Variants in ZNF254 observed in about 807,000 individuals in gnomAD.
ZNF254 encodes the protein CTD-2017D11.1.
In ZNF254, 10 loss-of-function variants were observed where a neutral mutation model predicts 12.4. The ratio of observed to expected loss-of-function variants is 0.80; its 90% CI spans 0.50 to 1.36. The LOEUF (loss-of-function observed/expected upper bound fraction) is 1.36. ZNF254 is among the 40% of genes most tolerant of loss of function. The pLI is 0.00. For missense variants in ZNF254, 996 were observed against 763.9 expected (o/e 1.30, Z -3.58); for synonymous variants, 305 against 253.4 (o/e 1.20, Z -1.93).
chr19:24,087,357 A>G lies in ZNF254; in HGVS notation c.30+20A>G. 6.2e-7 allele frequency: 1 copy of G among 1,613,298 alleles called. No individual in the cohort carries two copies. Among genetic ancestry groups the G allele is most frequent in the Non-Finnish European group, 8.5e-7 (1 of 1,179,532 alleles). ...GAAATGGTGAGAATGCCAGTCCGAC[A>G]TCCCGAGAGAGGGGAGGGGGCTGGT... On this transcript the variant is annotated intron_variant, in intron 1 of 3. Transcript: ENST00000357002.
intron 3 of ZNF254, among the ~76,000 whole-genome samples, chr19:24,120,825 G>C (rs1394764163): frequency 6.6e-6 from 1 of 151,886 alleles, no homozygotes; most frequent in Non-Finnish European, 1.5e-5. Context: ...ACCATGCCTG[G>C]CTAATTTTGT....
intron 1 of ZNF254, among the ~76,000 whole-genome samples, chr19:24,100,461 A>G (rs573869435): frequency 7.6e-4 from 115 of 152,056 alleles, no homozygotes; most frequent in African/African-American, 2.5e-3. Context: ...ACTCAGAGAG[A>G]CATTAAAATA....
rs760704306 is a variant in ZNF254 at position 24,106,617 on chromosome 19, G to T, written c.227G>T (p.Arg76Leu). 1 of 1,583,688 alleles carries T rather than the reference G, an allele frequency of 6.3e-7. No homozygotes were observed. Among genetic ancestry groups the T allele is most frequent in the Admixed American group, 1.7e-5 (1 of 59,070 alleles). The stretch of plus-strand genomic sequence containing the variant: ...GGGAAAGAGCCCTGGAATATGAAGC[G>T]ACATGAGATGGTGGATGAACCCCCA... ...EQGKEPWNMK[R>L]HEMVDEPPGM... is the part of the protein sequence containing the mutation. The change falls in exon 3 of 4, where the codon CGA becomes CTA. Residue 76 changes from arginine to leucine, a missense_variant. Arg to Leu is a moderately radical substitution (Grantham distance 102, BLOSUM62 -2). Transcript: ENST00000357002.
At chr19:24,075,462 GC>G (rs1971625064) in intron 2 of ZNF254, among the ~76,000 whole-genome samples, 1 of 152,176 alleles carries the variant, frequency 6.6e-6, no homozygotes, top group South Asian at 2.1e-4. Context: ...TCACATGTCA[GC>G]AGGTTCCACG....
At chr19:24,072,421 C>T (rs1033503701) in intron 2 of ZNF254, among the ~76,000 whole-genome samples, 12 of 152,160 alleles carry the variant, frequency 7.9e-5, no homozygotes, top group Admixed American at 3.9e-4. Context: ...ATCTACCTGC[C>T]TCCGCCTCCC....
At chr19:24,048,107 C>T (rs533924613) in intron 2 of ZNF254, among the ~76,000 whole-genome samples, 55 of 141,018 alleles carry the variant, frequency 3.9e-4, no homozygotes, top group Admixed American at 8.3e-4. Flanking sequence ...TGGGCGCGAG[C>T]TCCACACGTG....
intron 3 of ZNF254, chr19:24,107,309 A>G: frequency 1.8e-6 from 1 of 543,628 alleles, no homozygotes; most frequent in Admixed American, 3.8e-5. Flanking sequence ...TGGCAGTTTC[A>G]TAATACTTAT....
At chr19:24,125,287 G>GT (rs1294996043) in intron 3 of ZNF254, among the ~76,000 whole-genome samples, 2 of 118,924 alleles carry the variant, frequency 1.7e-5, no homozygotes, top group Non-Finnish European at 3.6e-5. Context: ...TCCACAATTT[G>GT]TTTTTTGATA....
At chr19:24,046,431 T>G (rs1385730646) in intron 2 of ZNF254, among the ~76,000 whole-genome samples, 1 of 146,570 alleles carries the variant, frequency 6.8e-6, no homozygotes, top group Non-Finnish European at 1.5e-5. Context: ...CAACAATTGA[T>G]TCTATCAGAT....
chr19:24,051,040 T>C (rs751835708), intron 2 of ZNF254, among the ~76,000 whole-genome samples: 6 of 152,090 alleles, frequency 3.9e-5, no homozygotes, highest in Non-Finnish European at 5.9e-5. Flanking sequence ...CCCTGCCGAC[T>C]GGAGTGATTT....
In ZNF254 at chr19:24,119,853, G is replaced by A. The variant is rs1382491517; in HGVS notation, c.254-6401G>A. Among the ~76,000 whole-genome samples the A allele has an allele frequency of 5.3e-5, 8 of 151,992 alleles. 1 individual carries two copies. The South Asian group carries it at 1.2e-3, about 24-fold the overall frequency. On this transcript the variant is annotated intron_variant, in intron 3 of 3. Coordinates refer to ENST00000357002, the MANE Select transcript of ZNF254 (RefSeq NM_203282.4). The stretch of plus-strand genomic sequence containing the variant: ...ACTAGTTTTATTGCTATTGTTTTAT[G>A]TGTTTGAGTGGTATGTTTTTTCTTA...
At chr19:24,063,678 T>C (rs1339502371) in intron 2 of ZNF254, 3 of 152,182 alleles carry the variant, frequency 2.0e-5, no homozygotes, top group Non-Finnish European at 2.9e-5. Context: ...TACTGGAACA[T>C]ATTGTTGGGC....
chr19:24,115,226 G>A (rs1356791437), intron 3 of ZNF254, among the ~76,000 whole-genome samples: 1 of 151,882 alleles, frequency 6.6e-6, no homozygotes, highest in African/African-American at 2.4e-5. Context: ...ACATGCACAA[G>A]TATGTTTATT....
At chr19:24,041,709 G>A (rs139225615) in intron 1 of ZNF254, among the ~76,000 whole-genome samples, 20,653 of 152,152 alleles carry the variant, frequency 0.14, 1,371 homozygotes, top group East Asian at 0.17. Flanking sequence ...AGCGCACGGC[G>A]CAGGACTGGC....
chr19:24,109,815 G>T (rs553470167), intron 3 of ZNF254, among the ~76,000 whole-genome samples: 80 of 149,762 alleles, frequency 5.3e-4, no homozygotes, highest in African/African-American at 1.9e-3. Context: ...TCCACCTCTC[G>T]GGTTTAAGTG....
chr19:24,056,321 TA>T (rs1470321759), intron 2 of ZNF254, among the ~76,000 whole-genome samples: 2 of 152,112 alleles, frequency 1.3e-5, no homozygotes, highest in African/African-American at 4.8e-5. Flanking sequence ...CATTATGACA[TA>T]TATTTCCATT....
chr19:24,088,964 CTTTTTT>C lies in ZNF254; in HGVS notation c.30+1651_30+1656del, dbSNP rs74175785. Among the ~76,000 whole-genome samples, 229 of 99,270 alleles carry C rather than the reference CTTTTTT, an allele frequency of 2.3e-3. 1 individual carries two copies. The highest frequency in any genetic ancestry group is 0.012 in the African/African-American group (219 of 18,668). 65.1% of individuals were successfully genotyped at this position (99,270 alleles called of 152,430 possible). On this transcript the variant is annotated intron_variant, in intron 1 of 3. Coordinates refer to ENST00000357002, the MANE Select transcript of ZNF254 (RefSeq NM_203282.4). ...GAGCCATCTCGCCTGGCCAATTAAT[CTTTTTT>C]TTTTTTTTTTTTTTTTTTTTTTTGA...
At chr19:24,082,454 G>A (rs1281233399), upstream of ZNF254, among the ~76,000 whole-genome samples, 1 of 116,962 alleles carries the variant, frequency 8.5e-6, no homozygotes, top group Non-Finnish European at 1.7e-5. Flanking sequence ...AGACCGTCCT[G>A]GCTAACACGG....
chr19:24,080,004 T>G (rs1233951330), intron 2 of ZNF254: 1 of 152,188 alleles, frequency 6.6e-6, no homozygotes, highest in Non-Finnish European at 1.5e-5. Flanking sequence ...TGATCTTGCC[T>G]CAATGAAAAG....
Sources: allele counts gnomAD v4.1 joint callset (sites outside exome capture counted in the v4.1 genomes callset), GRCh38; gene constraint gnomAD v4.1.1; transcripts MANE v1.5; gene names NCBI Gene and HGNC (gene_info 2026-07-23, HGNC 2026-07-21).